Variants in SLC4A10 observed in about 807,000 individuals in gnomAD.
The protein encoded by SLC4A10 is solute carrier family 4 member 10.
In SLC4A10, 42 loss-of-function variants were observed where a neutral mutation model predicts 137.7. That is an observed-to-expected ratio of 0.30 (90% confidence interval 0.24 to 0.39). The LOEUF (loss-of-function observed/expected upper bound fraction) is 0.39. SLC4A10 is among the 10% of genes least tolerant of loss of function. The probability of loss-of-function intolerance (pLI) is 1.00; values close to 1 mark genes in which losing one functional copy is unlikely to be tolerated. For missense variants in SLC4A10, 925 were observed against 1,355.0 expected (o/e 0.68, Z 4.98); for synonymous variants, 474 against 464.1 (o/e 1.02, Z -0.27).
chr2:161,666,154 T>G (rs1574216956), intron 1 of SLC4A10, among the ~76,000 whole-genome samples: 1 of 151,602 alleles, frequency 6.6e-6, no homozygotes, highest in East Asian at 1.9e-4. Flanking sequence ...TAGGCCAATC[T>G]TAATTGAGAT....
chr2:161,915,238 A>C (rs1181195948), intron 15 of SLC4A10, among the ~76,000 whole-genome samples: 2 of 152,062 alleles, frequency 1.3e-5, no homozygotes, highest in Non-Finnish European at 2.9e-5. Flanking sequence ...AGGGGAGAGC[A>C]ACCTGCCCTT....
rs1021872404 is a variant in SLC4A10, at chr2:161,965,208, A to G, written c.3159+35A>G. On this transcript the variant is annotated intron_variant, in intron 23 of 26. Transcript: ENST00000446997. The stretch of plus-strand genomic sequence containing the variant: ...AAATCAATGTTTTATAAAGAAAGAA[A>G]AAAGGAACATAGTAATATTTCTTTG... The G allele has an allele frequency of 3.8e-6, 6 of 1,566,020 alleles. No homozygotes were observed. The African/African-American group carries it at 8.2e-5, about 21-fold the overall frequency.
At chr2:161,779,666 A>G (rs1338620038) in intron 2 of SLC4A10, among the ~76,000 whole-genome samples, 1 of 151,988 alleles carries the variant, frequency 6.6e-6, no homozygotes, top group Admixed American at 6.6e-5. Flanking sequence ...GTAAAAAATT[A>G]GGGCTGGTCC....
At chr2:161,882,977 T>C (rs999858057) in intron 10 of SLC4A10, among the ~76,000 whole-genome samples, 9 of 152,126 alleles carry the variant, frequency 5.9e-5, no homozygotes, top group Non-Finnish European at 1.3e-4. Context: ...AATTTTTCTA[T>C]GTAAAAAATT....
At chr2:161,899,378 C>T (rs1019555871) in intron 11 of SLC4A10, among the ~76,000 whole-genome samples, 1 of 152,026 alleles carries the variant, frequency 6.6e-6, no homozygotes, top group Non-Finnish European at 1.5e-5. Flanking sequence ...TACTTGTCTC[C>T]AGTTACTCTC....
rs529250054 is a variant in SLC4A10 at position 161,968,423 on chromosome 2, A to T, written c.3159+3250A>T. ...CTCTGATTATGAAGATAAAGATTTT[A>T]AAAGTAACTAAATAGCACTAAATTT... On this transcript the variant is annotated intron_variant, in intron 23 of 26. Coordinates refer to ENST00000446997, the MANE Select transcript of SLC4A10 (RefSeq NM_001178015.2). 4.6e-5 allele frequency among the ~76,000 whole-genome samples: 7 copies of T among 152,316 alleles called. No homozygotes were observed. The South Asian group carries it at 1.5e-3, about 32-fold the overall frequency.
rs2058828934 is a variant in SLC4A10, at chr2:161,836,599, AG to A, written c.278-3188del. ...AAGAAAGAAAGAAAGAAAGAAAGAA[AG>A]GAAGGAAGGAAAGAAATGAAAGAAA... is the stretch of plus-strand genomic sequence containing the variant. On this transcript the variant is annotated intron_variant, in intron 3 of 26. Transcript: ENST00000446997. Among the ~76,000 whole-genome samples, 4 of 29,150 alleles carry A rather than the reference AG, an allele frequency of 1.4e-4. 1 individual carries two copies. Among genetic ancestry groups the A allele is most frequent in the Non-Finnish European group, 3.7e-4 (4 of 10,808 alleles). 19.1% of individuals were successfully genotyped at this position (29,150 alleles called of 152,430 possible). A position where few individuals can be genotyped will look rare whatever the true frequency, so the allele number is the denominator to read the frequency against.
intron 10 of SLC4A10, among the ~76,000 whole-genome samples, chr2:161,885,476 T>C (rs548206198): frequency 6.6e-6 from 1 of 152,302 alleles, no homozygotes; most frequent in South Asian, 2.1e-4. Flanking sequence ...GTCTTCCTTT[T>C]GTATTTTTAG....
chr2:161,903,492 G>A (rs966351136), intron 12 of SLC4A10, among the ~76,000 whole-genome samples: 2 of 152,060 alleles, frequency 1.3e-5, no homozygotes, highest in Non-Finnish European at 2.9e-5. Context: ...TTGTTTTTTG[G>A]CCGAGAGAGT....
chr2:161,877,326 A>G (rs975355113), intron 8 of SLC4A10, among the ~76,000 whole-genome samples: 4 of 152,018 alleles, frequency 2.6e-5, no homozygotes, highest in Admixed American at 2.6e-4. Context: ...CTCATTTTAA[A>G]TTTTGTTCAG....
intron 1 of SLC4A10, among the ~76,000 whole-genome samples, chr2:161,770,487 A>C (rs894000102): frequency 6.6e-6 from 1 of 151,892 alleles, no homozygotes; most frequent in East Asian, 1.9e-4. Context: ...CTTTTATCTA[A>C]TAATTGCTAC....
At chr2:161,644,903 T>C (rs1574068504) in intron 1 of SLC4A10, among the ~76,000 whole-genome samples, 1 of 152,090 alleles carries the variant, frequency 6.6e-6, no homozygotes, top group Admixed American at 6.5e-5. Context: ...TTTGGAGCCT[T>C]TTTGGACTAC....
chr2:161,669,911 A>G (rs990773347), intron 1 of SLC4A10, among the ~76,000 whole-genome samples: 2 of 152,114 alleles, frequency 1.3e-5, no homozygotes, highest in East Asian at 1.9e-4. Context: ...TGCAAAGACT[A>G]AAGAAAACCG....
At chr2:161,766,432 GA>G (rs1559200293) in intron 1 of SLC4A10, among the ~76,000 whole-genome samples, 1 of 152,058 alleles carries the variant, frequency 6.6e-6, no homozygotes, top group Non-Finnish European at 1.5e-5. Flanking sequence ...CTGCTTAGGG[GA>G]AAACATCTTC....
intron 15 of SLC4A10, among the ~76,000 whole-genome samples, chr2:161,916,820 G>A (rs1479351242): frequency 2.6e-5 from 4 of 151,894 alleles, no homozygotes; most frequent in South Asian, 2.1e-4. Context: ...TCACCTACTC[G>A]AGAACTTTCT....
At chr2:161,861,473 T>A (rs968380137) in intron 5 of SLC4A10, among the ~76,000 whole-genome samples, 1 of 147,172 alleles carries the variant, frequency 6.8e-6, no homozygotes, top group Non-Finnish European at 1.5e-5. Flanking sequence ...AGCAGAATTA[T>A]AGCCAACCTA....
intron 1 of SLC4A10, among the ~76,000 whole-genome samples, chr2:161,693,419 G>T (rs1452417809): frequency 6.6e-6 from 1 of 151,980 alleles, no homozygotes; most frequent in Non-Finnish European, 1.5e-5. Context: ...GAAATTTCAG[G>T]TTTAAACTGT....
At chr2:161,936,789 T>C (rs1691660659) in intron 15 of SLC4A10, among the ~76,000 whole-genome samples, 1 of 152,192 alleles carries the variant, frequency 6.6e-6, no homozygotes, top group Admixed American at 6.6e-5. Context: ...ATTTCAACAA[T>C]AAAATGTTGA....
At chr2:161,781,771 C>T (rs1385561238) in intron 2 of SLC4A10, among the ~76,000 whole-genome samples, 2 of 152,064 alleles carry the variant, frequency 1.3e-5, no homozygotes, top group Non-Finnish European at 2.9e-5. Flanking sequence ...GAAAAATTCC[C>T]TTTGTGGGAA....
Sources: gnomAD v4.1 joint callset for allele counts (sites outside exome capture counted in the v4.1 genomes callset) on GRCh38, gnomAD v4.1.1 for gene constraint, MANE v1.5 for transcripts, NCBI Gene and HGNC (gene_info 2026-07-23, HGNC 2026-07-21) for gene names.